DNAAF4: variants seen among roughly 807,000 people sequenced by gnomAD.
DNAAF4 encodes the protein dynein assembly factor 4, axonemal.
A neutral mutation model predicts 51.8 loss-of-function variants in DNAAF4; 43 were observed. The ratio of observed to expected loss-of-function variants is 0.83; its 90% CI spans 0.65 to 1.07. The LOEUF (loss-of-function observed/expected upper bound fraction) is 1.07, where lower values mean the gene tolerates loss of function less well. Among genes scored for constraint, DNAAF4 ranks in the 50% least tolerant of loss-of-function variants. The pLI is 0.00. For missense variants in DNAAF4, 581 were observed against 493.0 expected (o/e 1.18, Z -1.69); for synonymous variants, 194 against 165.6 (o/e 1.17, Z -1.32).
In DNAAF4 at chr15:55,498,433, G is replaced by A. The variant is rs1481884323; in HGVS notation, c.-104C>T. 7.4e-6 allele frequency: 11 copies of A among 1,486,098 alleles called. No individual in the cohort carries two copies. The East Asian group carries it at 1.4e-4, about 19-fold the overall frequency. 92.1% of individuals were successfully genotyped at this position (1,486,098 alleles called of 1,614,324 possible). ...TGCGCCAGCCCTTCCGGGTCAGGCC[G>A]GCCGGGAGCCCGGCGTTCCCAGCGT... On this transcript the variant is annotated 5_prime_UTR_variant, in exon 2 of 10. Transcript: ENST00000321149.
chr15:55,494,381 A>C (rs1010996338), intron 3 of DNAAF4, among the ~76,000 whole-genome samples: 1 of 152,050 alleles, frequency 6.6e-6, no homozygotes, highest in Non-Finnish European at 1.5e-5. Flanking sequence ...AAGTAGAATC[A>C]ATGTTCATTG....
intron 6 of DNAAF4, among the ~76,000 whole-genome samples, chr15:55,449,059 G>A (rs945552468): frequency 3.4e-5 from 5 of 148,758 alleles, no homozygotes; most frequent in Admixed American, 6.7e-5. Context: ...GTGCAATCTT[G>A]GCTCATTGCA....
intron 6 of DNAAF4, among the ~76,000 whole-genome samples, chr15:55,441,819 A>G (rs2057719382): frequency 6.6e-6 from 1 of 152,118 alleles, no homozygotes; most frequent in Admixed American, 6.6e-5. Flanking sequence ...TAAATGGCAC[A>G]GTGGTTTAAT....
rs17855756 is a variant in DNAAF4, at chr15:55,434,957, G to A, written c.995C>T (p.Ala332Val). The A allele has an allele frequency of 1.2e-6, 2 of 1,612,832 alleles. No individual in the cohort carries two copies. Among genetic ancestry groups the A allele is most frequent in the Non-Finnish European group, 8.5e-7 (1 of 1,179,750 alleles). The change falls in exon 8 of 10, where the codon GCT becomes GTT. Residue 332 changes from alanine to valine, a missense_variant. Physicochemically the swap from Ala to Val is moderately conservative, Grantham distance 64 (BLOSUM62 0). Transcript: ENST00000321149. ...TAAGTTTTTTAGTTTTAGGTGGCAA[G>A]CAGCCCGGTTCAAATACAATAGTGG... ...KMPLLYLNRA[A>V]CHLKLKNLHK...
At chr15:55,494,602 G>C (rs989875689) in intron 3 of DNAAF4, among the ~76,000 whole-genome samples, 6 of 151,846 alleles carry the variant, frequency 4.0e-5, no homozygotes, top group African/African-American at 7.3e-5. Flanking sequence ...AGTAGAGACA[G>C]GGTTTCACCA....
chr15:55,462,631 CAAA>C (rs34906064), intron 5 of DNAAF4, among the ~76,000 whole-genome samples: 2 of 110,446 alleles, frequency 1.8e-5, no homozygotes, highest in Middle Eastern at 4.7e-3. Context: ...AAGGACATAA[CAAA>C]AAAAAAAAAA....
At chr15:55,468,679 C>T (rs8035790) in intron 4 of DNAAF4, among the ~76,000 whole-genome samples, 6,155 of 152,244 alleles carry the variant, frequency 0.04, 414 homozygotes, top group African/African-American at 0.14. Context: ...CAGACACCCT[C>T]ACCCATCATA....
intron 6 of DNAAF4, among the ~76,000 whole-genome samples, chr15:55,445,467 T>C (rs1408707216): frequency 1.3e-5 from 2 of 152,016 alleles, no homozygotes; most frequent in Non-Finnish European, 2.9e-5. Flanking sequence ...AACAATCTGA[T>C]CTCTCTTTCT....
At chr15:55,432,645 T>C in intron 8 of DNAAF4, 43 bp from the exon 9 acceptor site, 1 of 1,542,170 alleles carries the variant, frequency 6.5e-7, no homozygotes, top group East Asian at 2.4e-5. Context: ...TTATAGTTTC[T>C]TAATTTAAAC....
rs1470414369 is a variant in DNAAF4, at chr15:55,434,902, T to C, written c.1047+3A>G. ...ACCATATATCATACATAGATATCCA[T>C]ACCTTAGAAGAATCTTCAATAGCCT... On this transcript the variant is annotated splice_donor_region_variant and intron_variant, in intron 8 of 9. Coordinates refer to ENST00000321149, the MANE Select transcript of DNAAF4 (RefSeq NM_130810.4). The C allele has an allele frequency of 1.2e-6, 2 of 1,601,524 alleles. No individual in the cohort carries two copies. The highest frequency in any genetic ancestry group is 1.1e-5 in the South Asian group (1 of 88,210).
intron 5 of DNAAF4, among the ~76,000 whole-genome samples, chr15:55,459,690 T>C (rs1338137996): frequency 6.7e-6 from 1 of 149,752 alleles, no homozygotes; most frequent in Non-Finnish European, 1.5e-5. Context: ...AGCTATTCTT[T>C]TTTCTTTCTT....
chr15:55,418,809 C>A, intron 7 of DNAAF4: 1 of 355,184 alleles, frequency 2.8e-6, no homozygotes, highest in Non-Finnish European at 5.0e-6. Context: ...GCTTCAAAAG[C>A]CTTTCATATT....
intron 5 of DNAAF4, among the ~76,000 whole-genome samples, chr15:55,460,372 G>T (rs1332523899): frequency 6.6e-6 from 1 of 151,688 alleles, no homozygotes; most frequent in East Asian, 2.0e-4. Context: ...TAGAGACGGG[G>T]TTTCACCATG....
chr15:55,450,397 C>T, intron 5 of DNAAF4, 30 bp from the exon 6 acceptor site: 3 of 1,596,692 alleles, frequency 1.9e-6, no homozygotes. Context: ...AAACAAGTCA[C>T]TTATTTCTCA....
chr15:55,447,406 T>C (rs980285769), intron 6 of DNAAF4, among the ~76,000 whole-genome samples: 3 of 151,746 alleles, frequency 2.0e-5, no homozygotes, highest in African/African-American at 7.3e-5. Context: ...TCTTAGCACT[T>C]TGGGAGGCCA....
intron 6 of DNAAF4, among the ~76,000 whole-genome samples, chr15:55,447,995 C>G (rs1454038861): frequency 6.6e-6 from 1 of 152,120 alleles, no homozygotes; most frequent in Non-Finnish European, 1.5e-5. Flanking sequence ...TGCCAGTTTT[C>G]AAAGAGAATG....
At chr15:55,473,097 C>G in intron 4 of DNAAF4, among the ~76,000 whole-genome samples, 1 of 148,994 alleles carries the variant, frequency 6.7e-6, no homozygotes, top group South Asian at 2.1e-4. Context: ...ACCCAAGAGG[C>G]AGAGGTTGCA....
intron 7 of DNAAF4, among the ~76,000 whole-genome samples, chr15:55,422,367 C>A (rs1042924992): frequency 6.6e-6 from 1 of 152,064 alleles, no homozygotes; most frequent in Middle Eastern, 3.2e-3. Flanking sequence ...AAGGGAGTAG[C>A]CCAAATTGAA....
chr15:55,453,117 G>C (rs2057962070), intron 5 of DNAAF4, among the ~76,000 whole-genome samples: 1 of 152,156 alleles, frequency 6.6e-6, no homozygotes, highest in African/African-American at 2.4e-5. Context: ...GAGCCACCGT[G>C]CCCAGTGGGC....
Sources: gnomAD v4.1 joint callset for allele counts (sites outside exome capture counted in the v4.1 genomes callset) on GRCh38, gnomAD v4.1.1 for gene constraint, MANE v1.5 for transcripts, NCBI Gene and HGNC (gene_info 2026-07-23, HGNC 2026-07-21) for gene names.